The following MYO9A variants were observed in gnomAD, a reference collection of about 807,000 sequenced individuals.
MYO9A encodes unconventional myosin-IXa.
Under a neutral mutation model 293.3 loss-of-function variants are expected in MYO9A, and 103 were observed. That is an observed-to-expected ratio of 0.35 (90% CI 0.30 to 0.41). The LOEUF (loss-of-function observed/expected upper bound fraction) is 0.41. Among genes scored for constraint, MYO9A ranks in the 10% least tolerant of loss-of-function variants. MYO9A has a pLI of 1.00. For missense variants in MYO9A, 2,685 were observed against 3,033.0 expected (o/e 0.89, Z 2.69); for synonymous variants, 1,001 against 1,035.7 (o/e 0.97, Z 0.64).
At chr15:71,967,878 T>C (rs2075916377) in intron 13 of MYO9A, 106 bp downstream of exon 13, 2 of 1,106,558 alleles carry the variant, frequency 1.8e-6, no homozygotes, top group East Asian at 5.0e-5. Context: ...TATCTCCAGT[T>C]ATTACTGATC....
In MYO9A at chr15:71,830,297, A is replaced by G. The variant is rs2054668751; in HGVS notation, c.6852T>C (p.Ile2284=). 1 of 1,613,556 alleles carries G rather than the reference A, an allele frequency of 6.2e-7. No homozygotes were observed. The highest frequency in any genetic ancestry group is 1.7e-5 in the Admixed American group (1 of 59,894). ...ATGGACCTGGATAGTTTCCTCGACGAATACGCCCCTTTCCCTGCAGAGAAA... is the reference window on the plus strand; with the variant it reads ...ATGGACCTGGATAGTTTCCTCGACGGATACGCCCCTTTCCCTGCAGAGAAA... ...LIRRSMGKGR[I]RRGNYPGPSS... The change falls in exon 40 of 42, where the codon ATT becomes ATC. Residue 2284 remains isoleucine, a synonymous_variant. Transcript: ENST00000356056.
intron 1 of MYO9A, among the ~76,000 whole-genome samples, chr15:72,073,843 G>GA (rs2079266287): frequency 6.6e-6 from 1 of 151,966 alleles, no homozygotes; most frequent in Non-Finnish European, 1.5e-5. Context: ...ACAAATTTTT[G>GA]AAAAAACAGA....
intron 8 of MYO9A, among the ~76,000 whole-genome samples, chr15:72,000,453 C>A (rs1261322666): frequency 6.6e-6 from 1 of 152,118 alleles, no homozygotes; most frequent in Non-Finnish European, 1.5e-5. Context: ...CCTTTGTTCT[C>A]ACTCTCTCCC....
chr15:71,899,701 G>A lies in MYO9A; in HGVS notation c.3456C>T (p.Phe1152=), dbSNP rs371310317. The change falls in exon 24 of 42, where the codon TTC becomes TTT. Residue 1152 remains phenylalanine (F), a synonymous_variant. Coordinates refer to ENST00000356056, the MANE Select transcript of MYO9A (RefSeq NM_006901.4). ...ATAGAGATTACCTTTGTCTTGCTCTGAATCCTCTACATGTTGATTGCAAAA... is the reference window on the plus strand; with the variant it reads ...ATAGAGATTACCTTTGTCTTGCTCTAAATCCTCTACATGTTGATTGCAAAA... The part of the protein sequence containing the change: ...IILLQSTCRG[F]RARQRFKALK... The A allele has an allele frequency of 4.3e-6, 7 of 1,612,560 alleles. No individual in the cohort carries two copies. The African/African-American group carries it at 9.4e-5, about 22-fold the overall frequency.
chr15:72,103,820 C>CA (rs35405976), intron 1 of MYO9A, among the ~76,000 whole-genome samples: 2,111 of 152,238 alleles, frequency 0.014, 22 homozygotes, highest in East Asian at 0.025. Context: ...TGAAGCAAAG[C>CA]AAAAAACAGT....
chr15:72,009,875 T>A (rs2077123782), intron 7 of MYO9A, among the ~76,000 whole-genome samples: 1 of 152,188 alleles, frequency 6.6e-6, no homozygotes, highest in South Asian at 2.1e-4. Context: ...TATCTCAAAT[T>A]TTTATATTTT....
At chr15:72,075,555 A>G (rs2079323974) in intron 1 of MYO9A, among the ~76,000 whole-genome samples, 1 of 152,052 alleles carries the variant, frequency 6.6e-6, no homozygotes, top group Non-Finnish European at 1.5e-5. Context: ...TGAAAAGTTC[A>G]CTAAATAGAC....
At chr15:71,960,129 GA>G (rs751660110) in intron 13 of MYO9A, 33 bp from the exon 14 acceptor site, 405 of 1,555,464 alleles carry the variant, frequency 2.6e-4, no homozygotes, top group Middle Eastern at 5.1e-4. Context: ...TTACTTATGG[GA>G]AAAAAAAATT....
At chr15:72,104,012 A>G (rs939220733) in intron 1 of MYO9A, among the ~76,000 whole-genome samples, 7 of 152,232 alleles carry the variant, frequency 4.6e-5, no homozygotes, top group Non-Finnish European at 8.8e-5. Context: ...TCCACAACTT[A>G]TGACGGTTCA....
chr15:71,857,408 C>T (rs184957671), intron 34 of MYO9A, among the ~76,000 whole-genome samples: 101 of 152,198 alleles, frequency 6.6e-4, no homozygotes, highest in African/African-American at 2.4e-3. Flanking sequence ...CAAGTTACAG[C>T]TTAATGGATT....
intron 1 of MYO9A, among the ~76,000 whole-genome samples, chr15:72,101,688 TGGG>T (rs71152876): frequency 2.0e-4 from 7 of 34,736 alleles, no homozygotes; most frequent in East Asian, 1.6e-3. Flanking sequence ...GGGAGGGAGG[TGGG>T]GGGGGTCAGC....
chr15:71,906,762 T>TTTC (rs2057663375), intron 19 of MYO9A, among the ~76,000 whole-genome samples: 1 of 17,128 alleles, frequency 5.8e-5, no homozygotes, highest in African/African-American at 1.3e-4. Flanking sequence ...TTCTTTCTTT[T>TTTC]TTTTTTTTTT....
At chr15:71,858,527 T>C (rs1224679582) in intron 34 of MYO9A, 1 of 152,218 alleles carries the variant, frequency 6.6e-6, no homozygotes, top group African/African-American at 2.4e-5. Context: ...AAACACCGCA[T>C]GTTCTCACTC....
intron 1 of MYO9A, among the ~76,000 whole-genome samples, chr15:72,061,009 A>G (rs191119764): frequency 6.2e-4 from 95 of 152,290 alleles, no homozygotes; most frequent in African/African-American, 2.3e-3. Context: ...GTAAAGCACC[A>G]AGCACAGTCC....
rs769037654 is a variant in MYO9A, at chr15:71,982,106, G to A, written c.1723-3814C>T. Among the ~76,000 whole-genome samples, 11 of 126,502 alleles carry A rather than the reference G, an allele frequency of 8.7e-5. No individual in the cohort carries two copies. In the Admixed American group the frequency reaches 9.1e-4, roughly 10 times the overall value. 83.0% of individuals were successfully genotyped at this position (126,502 alleles called of 152,430 possible). A position where few individuals can be genotyped will look rare whatever the true frequency, so the allele number is the denominator to read the frequency against. ...CCAATCTCAGCTCACTGCAAGCTCC[G>A]CCTCGCGGGTTCACACCATTCTCCT... On this transcript the variant is annotated intron_variant, in intron 11 of 41. Transcript: ENST00000356056.
At chr15:72,029,808 G>C (rs554772434) in intron 3 of MYO9A, among the ~76,000 whole-genome samples, 24 of 152,276 alleles carry the variant, frequency 1.6e-4, no homozygotes, top group African/African-American at 4.6e-4. Flanking sequence ...TCATTGGAAA[G>C]GGGTTCTAGA....
intron 1 of MYO9A, among the ~76,000 whole-genome samples, chr15:72,075,043 T>C (rs1239302357): frequency 7.3e-6 from 1 of 136,208 alleles, no homozygotes; most frequent in Admixed American, 8.4e-5. Flanking sequence ...CAGCTCACTG[T>C]AACCTCCACC....
At chr15:72,032,906 A>G in intron 2 of MYO9A, among the ~76,000 whole-genome samples, 1 of 152,078 alleles carries the variant, frequency 6.6e-6, no homozygotes, top group Non-Finnish European at 1.5e-5. Context: ...GCTGGAGTGC[A>G]GTGGTGTGAT....
At chr15:71,929,480 G>T (rs905564072) in intron 18 of MYO9A, among the ~76,000 whole-genome samples, 1 of 152,046 alleles carries the variant, frequency 6.6e-6, no homozygotes, top group Non-Finnish European at 1.5e-5. Context: ...TACCTAATTC[G>T]TTGAGCTTTT....
Sources: allele counts gnomAD v4.1 joint callset (sites outside exome capture counted in the v4.1 genomes callset), GRCh38; gene constraint gnomAD v4.1.1; transcripts MANE v1.5; gene names NCBI Gene and HGNC (gene_info 2026-07-23, HGNC 2026-07-21).